The following NLGN4X variants were observed in gnomAD, a reference collection of about 807,000 sequenced individuals.
NLGN4X encodes the protein neuroligin 4 X-linked, also known as neuroligin-4, X-linked.
Under a neutral mutation model 40.3 loss-of-function variants are expected in NLGN4X, and 3 were observed. That is an observed-to-expected ratio of 0.07 (90% CI 0.03 to 0.19). The LOEUF (loss-of-function observed/expected upper bound fraction) is 0.19. NLGN4X is among the 10% of genes least tolerant of loss of function. NLGN4X has a pLI of 1.00. For missense variants in NLGN4X, 382 were observed against 708.3 expected (o/e 0.54, Z 5.23); for synonymous variants, 270 against 306.8 (o/e 0.88, Z 1.25).
intron 3 of NLGN4X, among the ~76,000 whole-genome samples, chrX:5,922,387 T>C (rs991724740): frequency 4.5e-5 from 5 of 111,748 alleles, no homozygotes; most frequent in African/African-American, 1.6e-4. Context: ...ATGTTTTAGA[T>C]AATGGATATG....
chrX:6,105,595 C>T (rs932605106), intron 2 of NLGN4X, among the ~76,000 whole-genome samples: 11 of 111,442 alleles, frequency 9.9e-5, no homozygotes, highest in African/African-American at 2.9e-4. Context: ...GGGGAAATTA[C>T]CACCTAACTA....
In NLGN4X at chrX:5,891,086, C is replaced by T. The variant is rs2031141311; in HGVS notation, c.*1731G>A. On this transcript the variant is annotated 3_prime_UTR_variant, in exon 6 of 6. Transcript: ENST00000381095. ...ATGCAATAATTTTTCAAAAAAGTATCCATTGCTACTATGTTTCCTTCCACC... is the reference window on the plus strand; with the variant it reads ...ATGCAATAATTTTTCAAAAAAGTATTCATTGCTACTATGTTTCCTTCCACC... 3.5e-6 allele frequency: 1 copy of T among 283,964 alleles called. No homozygotes were observed. Among genetic ancestry groups the T allele is most frequent in the East Asian group, 1.0e-4 (1 of 9,686 alleles). The allele number at this position is 283,964 out of a possible 1,213,427, so 23.4% of individuals were successfully genotyped here.
intron 1 of NLGN4X, among the ~76,000 whole-genome samples, chrX:6,179,067 C>T (rs372209248): frequency 4.5e-5 from 2 of 44,498 alleles, no homozygotes; most frequent in East Asian, 4.8e-4. Context: ...CTACTACACT[C>T]CAGCCTGAGC....
At chrX:5,949,952 G>C (rs2034253892) in intron 3 of NLGN4X, among the ~76,000 whole-genome samples, 1 of 111,830 alleles carries the variant, frequency 8.9e-6, no homozygotes, top group Non-Finnish European at 1.9e-5. Flanking sequence ...AGAAAACCTG[G>C]AATGTAGCAA....
chrX:5,979,525 T>C (rs1013162213), intron 3 of NLGN4X, among the ~76,000 whole-genome samples: 4 of 110,572 alleles, frequency 3.6e-5, no homozygotes, highest in Non-Finnish European at 7.6e-5. Flanking sequence ...GCGAGTCTTG[T>C]GGCTTCAGCC....
chrX:6,062,320 T>C (rs937139523), intron 2 of NLGN4X, among the ~76,000 whole-genome samples: 1 of 111,449 alleles, frequency 9.0e-6, no homozygotes, highest in Non-Finnish European at 1.9e-5. Flanking sequence ...CTCCCAGCTG[T>C]AGGTTCTTAT....
chrX:6,195,393 G>A (rs1922950197), intron 1 of NLGN4X, among the ~76,000 whole-genome samples: 1 of 111,873 alleles, frequency 8.9e-6, no homozygotes, highest in Non-Finnish European at 1.9e-5. Flanking sequence ...GCTCAGGTGG[G>A]GATTGAGACC....
chrX:6,225,162 AATTCCTGT>A (rs1346804197), intron 1 of NLGN4X, among the ~76,000 whole-genome samples: 1 of 105,551 alleles, frequency 9.5e-6, no homozygotes, highest in Non-Finnish European at 1.9e-5. Context: ...TTCTCCATGA[AATTCCTGT>A]ATTCTTAATT....
intron 2 of NLGN4X, among the ~76,000 whole-genome samples, chrX:6,110,986 G>A (rs1042435305): frequency 9.0e-6 from 1 of 111,418 alleles, no homozygotes; most frequent in African/African-American, 3.3e-5. Flanking sequence ...TACCTACTCT[G>A]CCCAGCAAAG....
chrX:6,089,448 C>T (rs1254591178), intron 2 of NLGN4X, among the ~76,000 whole-genome samples: 2 of 112,567 alleles, frequency 1.8e-5, no homozygotes, highest in Admixed American at 9.4e-5. Context: ...GGAATTTTCC[C>T]AAGAACACAG....
intron 3 of NLGN4X, among the ~76,000 whole-genome samples, chrX:5,932,774 T>C (rs751741991): frequency 9.1e-6 from 1 of 109,868 alleles, no homozygotes; most frequent in South Asian, 3.9e-4. Context: ...TTGTTAGAGA[T>C]ACCAGGATCA....
At position 6,098,705 on chromosome X, in the gene NLGN4X, G is replaced by A. The variant is rs746780139; in HGVS notation, c.472+52290C>T. On this transcript the variant is annotated intron_variant, in intron 2 of 5. Coordinates refer to ENST00000381095, the MANE Select transcript of NLGN4X (RefSeq NM_181332.3). ...AGCCACACCTGTCACTTCAGATCCT[G>A]ACTGCACTGGGCTCCTTCGAGCCCT... Among the ~76,000 whole-genome samples the A allele has an allele frequency of 3.6e-5, 4 of 111,406 alleles. No individual in the cohort carries two copies. The East Asian group carries it at 1.1e-3, about 32-fold the overall frequency.
At chrX:5,993,265 T>C (rs1326222586) in intron 3 of NLGN4X, among the ~76,000 whole-genome samples, 3 of 111,317 alleles carry the variant, frequency 2.7e-5, no homozygotes, top group African/African-American at 9.8e-5. Flanking sequence ...CATAGTCAAA[T>C]GTCCCTTGGA....
At chrX:5,978,465 G>C (rs184948281) in intron 3 of NLGN4X, among the ~76,000 whole-genome samples, 6 of 109,348 alleles carry the variant, frequency 5.5e-5, no homozygotes, top group African/African-American at 2.0e-4. Context: ...GGAAAATAAC[G>C]TGACAACAGA....
In NLGN4X at chrX:6,129,586, C is replaced by T. The variant is rs188942084; in HGVS notation, c.472+21409G>A. Among the ~76,000 whole-genome samples, 372 of 112,076 alleles carry T rather than the reference C, an allele frequency of 3.3e-3. 4 individuals carry two copies. Among genetic ancestry groups the T allele is most frequent in the Middle Eastern group, 0.014 (3 of 216 alleles). ...CATTAAATTCACCAATGTATGATTG[C>T]TTTTCAATAAGGGCTTCATGTATCC... On this transcript the variant is annotated intron_variant, in intron 2 of 5. Transcript: ENST00000381095.
chrX:6,118,818 T>C (rs1006181565), intron 2 of NLGN4X, among the ~76,000 whole-genome samples: 19 of 111,427 alleles, frequency 1.7e-4, no homozygotes, highest in African/African-American at 3.9e-4. Flanking sequence ...AGCACCTCTC[T>C]ATTCTTATAC....
intron 3 of NLGN4X, among the ~76,000 whole-genome samples, chrX:6,015,437 AT>A (rs1425074724): frequency 2.7e-5 from 3 of 111,088 alleles, no homozygotes; most frequent in Non-Finnish European, 3.8e-5. Flanking sequence ...TATTACTAGT[AT>A]TTTTTTAAAT....
chrX:6,135,456 T>G (rs2039792706), intron 2 of NLGN4X, among the ~76,000 whole-genome samples: 1 of 111,848 alleles, frequency 8.9e-6, no homozygotes. Context: ...CATTCTTTCT[T>G]GTTTGGTACT....
Position 5,893,586 on chromosome X carries a change from T to G in NLGN4X, c.1682A>C (p.Lys561Thr). 2.5e-6 allele frequency: 3 copies of G among 1,211,550 alleles called. No homozygotes were observed. The highest frequency in any genetic ancestry group is 3.4e-6 in the Non-Finnish European group (3 of 895,412). The change falls in exon 6 of 6, where the codon AAG becomes ACG. Residue 561 changes from lysine to threonine, a missense_variant. Physicochemically the swap from Lys to Thr is moderately conservative, Grantham distance 78. This residue lies in a region of NLGN4X where 149 missense variants were observed against 375.8 expected (regional missense o/e 0.40). Coordinates refer to ENST00000381095, the MANE Select transcript of NLGN4X (RefSeq NM_181332.3). ...ATAGAGCTGGTCTTTGGGATTATACTTGGACCAGGCCACTTCTTCAAAGCG... is the reference window on the plus strand; with the variant it reads ...ATAGAGCTGGTCTTTGGGATTATACGTGGACCAGGCCACTTCTTCAAAGCG... ...PNRFEEVAWS[K>T]YNPKDQLYLH... is the part of the protein sequence containing the mutation.
Sources: gnomAD v4.1 joint callset for allele counts (sites outside exome capture counted in the v4.1 genomes callset) on GRCh38, gnomAD v4.1.1 for gene constraint, gnomAD v4.1.1 regional missense constraint, MANE v1.5 for transcripts, NCBI Gene and HGNC (gene_info 2026-07-23, HGNC 2026-07-21) for gene names.